STK3: variants seen among roughly 807,000 people sequenced by gnomAD.
STK3 encodes serine/threonine-protein kinase 3.
In STK3, 41 loss-of-function variants were observed where a neutral mutation model predicts 58.0. That is an observed-to-expected ratio of 0.71 (90% confidence interval 0.55 to 0.92). STK3 has a LOEUF of 0.92. Among genes scored for constraint, STK3 ranks in the 40% least tolerant of loss-of-function variants. The probability of loss-of-function intolerance (pLI) is 0.00; values close to 1 mark genes in which losing one functional copy is unlikely to be tolerated. For missense variants in STK3, 479 were observed against 602.7 expected (o/e 0.79, Z 2.15); for synonymous variants, 170 against 191.0 (o/e 0.89, Z 0.91).
At chr8:98,354,129 A>G in the STK3 span, among the ~76,000 whole-genome samples, 1 of 152,218 alleles carries the variant, frequency 6.6e-6, no homozygotes, top group South Asian at 2.1e-4. Context: ...GAAAAGCTCA[A>G]CCAGGTGAAA....
chr8:98,764,482 T>A (rs1182010904), intron 3 of STK3, among the ~76,000 whole-genome samples: 1 of 152,146 alleles, frequency 6.6e-6, no homozygotes, highest in Non-Finnish European at 1.5e-5. Flanking sequence ...AGAAGGAAAA[T>A]CTACAAGACT....
intron 1 of STK3, among the ~76,000 whole-genome samples, chr8:98,792,207 T>C (rs947836386): frequency 2.0e-5 from 3 of 152,028 alleles, no homozygotes; most frequent in African/African-American, 7.2e-5. Context: ...TAGGAAAAAA[T>C]GCTCAACATC....
chr8:98,408,709 G>C (rs748698329), intron 3 of STK3, among the ~76,000 whole-genome samples: 2 of 152,234 alleles, frequency 1.3e-5, no homozygotes, highest in African/African-American at 2.4e-5. Flanking sequence ...AAAGCCAGAG[G>C]CTGGCTGGCA....
intron 10 of STK3, among the ~76,000 whole-genome samples, chr8:98,507,613 A>G (rs1304661061): frequency 6.6e-6 from 1 of 152,186 alleles, no homozygotes; most frequent in Non-Finnish European, 1.5e-5. Flanking sequence ...CCAAATCTTT[A>G]CAATACCTTC....
rs1554691271 is a variant in STK3, at chr8:98,858,359, GAC to G, written c.110+25286_110+25287del. ...AGAGAGAGAGAGAGAGAGAGAGAGA[GAC>G]AGAGAGAGAGTATATAGTATATATA... On this transcript the variant is annotated intron_variant, in intron 3 of 12. Transcript: ENST00000523601. 1.6e-3 allele frequency among the ~76,000 whole-genome samples: 215 copies of G among 134,264 alleles called. 4 individuals are homozygous for G. Among genetic ancestry groups the G allele is most frequent in the Admixed American group, 5.1e-3 (64 of 12,616 alleles). The allele number at this position is 134,264 out of a possible 152,430, so 88.1% of individuals were successfully genotyped here. A position where few individuals can be genotyped will look rare whatever the true frequency, so the allele number is the denominator to read the frequency against.
chr8:98,741,533 G>C (rs1391416816), intron 4 of STK3, among the ~76,000 whole-genome samples: 1 of 152,064 alleles, frequency 6.6e-6, no homozygotes, highest in South Asian at 2.1e-4. Context: ...AATAAAGATG[G>C]TCTTTAAAAC....
At chr8:98,697,414 TG>T (rs1825061387) in intron 6 of STK3, among the ~76,000 whole-genome samples, 12 of 152,220 alleles carry the variant, frequency 7.9e-5, no homozygotes, top group Admixed American at 7.9e-4. Flanking sequence ...TGAATGTGTT[TG>T]CTCTTGCTTT....
chr8:98,404,676 T>C (rs571639757), intron 3 of STK3, among the ~76,000 whole-genome samples: 83 of 39,660 alleles, frequency 2.1e-3, no homozygotes, highest in African/African-American at 0.012. Flanking sequence ...CAAGTCTCTG[T>C]CTCAAAAAAA....
chr8:98,726,055 G>C (rs1340053056), intron 4 of STK3, among the ~76,000 whole-genome samples: 1 of 152,154 alleles, frequency 6.6e-6, no homozygotes, highest in Non-Finnish European at 1.5e-5. Context: ...AGCGTGCTAT[G>C]GGGTCAGGCT....
intron 4 of STK3, among the ~76,000 whole-genome samples, chr8:98,712,564 A>C (rs1168478996): frequency 1.3e-5 from 2 of 151,752 alleles, no homozygotes; most frequent in East Asian, 3.8e-4. Context: ...TAAAGGGATC[A>C]ATTCAACAAG....
chr8:98,444,116 T>G (rs1818831246), intron 1 of STK3, among the ~76,000 whole-genome samples: 1 of 152,152 alleles, frequency 6.6e-6, no homozygotes, highest in Non-Finnish European at 1.5e-5. Flanking sequence ...CTCAGGCAGC[T>G]TACAGTCAGC....
At chr8:98,825,446 G>C (rs1835193729) in intron 1 of STK3, 69 bp downstream of exon 1, 1 of 1,394,598 alleles carries the variant, frequency 7.2e-7, no homozygotes, top group Non-Finnish European at 9.4e-7. Context: ...GCAGGGCCTG[G>C]CCTAGCCACC....
chr8:98,655,942 T>A (rs1349724334), intron 6 of STK3, among the ~76,000 whole-genome samples: 1 of 152,186 alleles, frequency 6.6e-6, no homozygotes, highest in Non-Finnish European at 1.5e-5. Context: ...TCCTCAGGGA[T>A]CTAGAACTAG....
chr8:98,598,765 A>G (rs1158873855), intron 6 of STK3: 3 of 985,342 alleles, frequency 3.0e-6, no homozygotes, highest in Non-Finnish European at 3.6e-6. Context: ...TTGATTGAAG[A>G]ATGTTAGTAA....
chr8:98,500,581 C>A (rs369121635), intron 10 of STK3, among the ~76,000 whole-genome samples: 44 of 152,022 alleles, frequency 2.9e-4, no homozygotes, highest in African/African-American at 9.6e-4. Context: ...TCTCACTGTT[C>A]AATTCCAACC....
At chr8:98,742,312 C>T (rs1274720121) in intron 4 of STK3, among the ~76,000 whole-genome samples, 1 of 150,584 alleles carries the variant, frequency 6.6e-6, no homozygotes, top group East Asian at 1.9e-4. Context: ...CCTTGATGAA[C>T]GTTGATGCAA....
intron 1 of STK3, chr8:98,905,309 C>T (rs1838849737): frequency 1.2e-6 from 1 of 855,446 alleles, no homozygotes; most frequent in Admixed American, 1.7e-5. Context: ...CTGACCACTC[C>T]ATGTGTATGA....
At chr8:98,345,791 T>C in the STK3 span, among the ~76,000 whole-genome samples, 1 of 151,968 alleles carries the variant, frequency 6.6e-6, no homozygotes, top group Admixed American at 6.5e-5. Context: ...TTTCAAAAAG[T>C]TAAATAGAAA....
At chr8:98,772,287 G>A (rs768203849) in intron 2 of STK3, among the ~76,000 whole-genome samples, 9 of 152,200 alleles carry the variant, frequency 5.9e-5, no homozygotes, top group Non-Finnish European at 1.3e-4. Context: ...ATTTTGAAAT[G>A]TAATCCCTAA....
Sources: gnomAD v4.1 joint callset for allele counts (sites outside exome capture counted in the v4.1 genomes callset) on GRCh38, gnomAD v4.1.1 for gene constraint, MANE v1.5 for transcripts, NCBI Gene and HGNC (gene_info 2026-07-23, HGNC 2026-07-21) for gene names.